ACACA: variants seen among roughly 807,000 people sequenced by gnomAD.
ACACA encodes the protein acetyl-CoA carboxylase 1.
In ACACA, 103 loss-of-function variants were observed where a neutral mutation model predicts 296.1. That is an observed-to-expected ratio of 0.35 (90% confidence interval 0.30 to 0.41). ACACA has a LOEUF of 0.41. ACACA is among the 10% of genes least tolerant of loss of function. The probability of loss-of-function intolerance (pLI) is 1.00; values close to 1 mark genes in which losing one functional copy is unlikely to be tolerated. For synonymous variants in ACACA, 953 were observed against 1,038.6 expected (o/e 0.92, Z 1.58); for missense variants, 1,554 against 2,989.7 (o/e 0.52, Z 11.20).
At chr17:37,263,964 T>C (rs947464962) in intron 10 of ACACA, 70 bp from the exon 11 acceptor site, 123 of 1,286,428 alleles carry the variant, frequency 9.6e-5, no homozygotes, top group Non-Finnish European at 1.3e-4. Context: ...CTTGATAAGC[T>C]ACTTTGATTT....
At chr17:37,161,635 G>A in intron 42 of ACACA, 146 bp downstream of exon 42, 1 of 963,916 alleles carries the variant, frequency 1.0e-6, no homozygotes, top group Non-Finnish European at 1.5e-6. Context: ...GGTGTCTTAA[G>A]GAATTTTCAC....
chr17:37,146,054 G>C (rs145560777), intron 45 of ACACA, among the ~76,000 whole-genome samples: 9 of 152,224 alleles, frequency 5.9e-5, no homozygotes, highest in African/African-American at 2.2e-4. Context: ...AATAAAACAT[G>C]TAAGTATACA....
At chr17:37,135,213 T>C (rs540748382) in intron 45 of ACACA, among the ~76,000 whole-genome samples, 10 of 152,326 alleles carry the variant, frequency 6.6e-5, no homozygotes, top group African/African-American at 2.2e-4. Context: ...CAAGGGTGAA[T>C]GGAATTAAAT....
chr17:37,207,514 A>G lies in ACACA; in HGVS notation c.3851+143T>C, dbSNP rs900208969. 11 of 949,702 alleles carry G rather than the reference A, an allele frequency of 1.2e-5. No homozygotes were observed. The African/African-American group carries it at 1.5e-4, about 13-fold the overall frequency. The allele number at this position is 949,702 out of a possible 1,614,324, so 58.8% of individuals were successfully genotyped here. On this transcript the variant is annotated intron_variant, in intron 31 of 55. Coordinates refer to ENST00000616317, the MANE Select transcript of ACACA (RefSeq NM_198834.3). ...AAATGCAAGGATATATACCTCTCCA[A>G]CGGCATATACAGCAAGGGTTACATC... is the stretch of plus-strand genomic sequence containing the variant.
intron 1 of ACACA, among the ~76,000 whole-genome samples, chr17:37,382,117 C>T (rs1479075632): frequency 6.6e-6 from 1 of 152,088 alleles, no homozygotes; most frequent in Non-Finnish European, 1.5e-5. Flanking sequence ...TGTATACCTG[C>T]AATTTATCAA....
intron 45 of ACACA, among the ~76,000 whole-genome samples, chr17:37,136,329 C>T (rs1483253927): frequency 6.6e-6 from 1 of 152,112 alleles, no homozygotes; most frequent in Non-Finnish European, 1.5e-5. Flanking sequence ...TTGAATCTAG[C>T]TTCTTTCAGT....
chr17:37,130,050 T>C, intron 46 of ACACA, 25 bp downstream of exon 46: 3 of 1,613,914 alleles, frequency 1.9e-6, no homozygotes, highest in Non-Finnish European at 2.5e-6. Context: ...GCAGGCCATG[T>C]CAGTGCTGGG....
intron 47 of ACACA, 136 bp downstream of exon 47, chr17:37,129,229 T>G (rs1450374860): frequency 8.2e-7 from 1 of 1,225,872 alleles, no homozygotes; most frequent in Non-Finnish European, 1.2e-6. Context: ...GGGCTGGTTT[T>G]CAGGTCTTTC....
chr17:37,105,680 C>T (rs1003508253), intron 52 of ACACA, among the ~76,000 whole-genome samples: 2 of 151,808 alleles, frequency 1.3e-5, no homozygotes, highest in Non-Finnish European at 2.9e-5. Flanking sequence ...TCCTGGCCAA[C>T]ATAAAGAAAC....
At chr17:37,379,975 C>T (rs1376616683) in intron 1 of ACACA, among the ~76,000 whole-genome samples, 4 of 150,198 alleles carry the variant, frequency 2.7e-5, no homozygotes, top group African/African-American at 4.9e-5. Flanking sequence ...CACATGCACA[C>T]GTATGTTTAC....
chr17:37,307,760 A>G (rs574726683), intron 3 of ACACA, among the ~76,000 whole-genome samples: 167 of 151,834 alleles, frequency 1.1e-3, no homozygotes, highest in Non-Finnish European at 2.0e-3. Context: ...CTAATTTTTT[A>G]TATTTTTAGT....
intron 29 of ACACA, 105 bp downstream of exon 29, chr17:37,221,619 T>G: frequency 9.9e-7 from 1 of 1,014,550 alleles, no homozygotes; most frequent in Non-Finnish European, 1.6e-6. Context: ...TTTTTTGCCC[T>G]ACATTTCTAA....
At chr17:37,388,911 A>G in intron 1 of ACACA, 1 of 1,300,384 alleles carries the variant, frequency 7.7e-7, no homozygotes. Flanking sequence ...GAGATGTGCC[A>G]CTCACACTCA....
chr17:37,352,695 ACTC>A (rs2048961958), intron 1 of ACACA, among the ~76,000 whole-genome samples: 9 of 151,836 alleles, frequency 5.9e-5, no homozygotes, highest in African/African-American at 2.2e-4. Context: ...GTGCCAGCAC[ACTC>A]CAGTGAGGGT....
At chr17:37,174,626 G>A (rs149534516) in intron 41 of ACACA, among the ~76,000 whole-genome samples, 1,752 of 151,828 alleles carry the variant, frequency 0.012, 39 homozygotes, top group African/African-American at 0.038. Context: ...TCTGCCTCCC[G>A]GGTTCAAGCG....
At chr17:37,091,247 A>G (rs997357876) in intron 54 of ACACA, among the ~76,000 whole-genome samples, 1 of 152,318 alleles carries the variant, frequency 6.6e-6, no homozygotes, top group South Asian at 2.1e-4. Context: ...GTGTTTAAAC[A>G]TTTTGAAAAG....
rs2080076040 is a variant in ACACA, at chr17:37,235,681, T to C, written c.3122-582A>G. On this transcript the variant is annotated intron_variant, in intron 24 of 55. Coordinates refer to ENST00000616317, the MANE Select transcript of ACACA (RefSeq NM_198834.3). Reference sequence around the variant, plus strand: ...TAGCAATATCCATGAGAAGTGTGACTGCTACCCCTGGAATCAACATTTTCT... The same window carrying C: ...TAGCAATATCCATGAGAAGTGTGACCGCTACCCCTGGAATCAACATTTTCT... Among the ~76,000 whole-genome samples the C allele has an allele frequency of 2.0e-5, 3 of 152,122 alleles. No individual in the cohort carries two copies. In the South Asian group the frequency reaches 6.2e-4, roughly 32 times the overall value.
chr17:37,191,073 G>C (rs1418025694), intron 38 of ACACA, 47 bp downstream of exon 38: 1 of 1,604,520 alleles, frequency 6.2e-7, no homozygotes, highest in Non-Finnish European at 8.5e-7. Context: ...ATGAACTTCT[G>C]TGCTTATGCT....
At chr17:37,198,946 C>T (rs901253340) in intron 35 of ACACA, among the ~76,000 whole-genome samples, 1 of 152,148 alleles carries the variant, frequency 6.6e-6, no homozygotes, top group Non-Finnish European at 1.5e-5. Flanking sequence ...ATTGCTAAAA[C>T]CAAACCAAAC....
Sources: allele counts gnomAD v4.1 joint callset (sites outside exome capture counted in the v4.1 genomes callset), GRCh38; gene constraint gnomAD v4.1.1; transcripts MANE v1.5; gene names NCBI Gene and HGNC (gene_info 2026-07-23, HGNC 2026-07-21).